The following REDIC1 variants were observed in gnomAD, a reference collection of about 807,000 sequenced individuals.
REDIC1 encodes regulator of DNA class I crossover intermediates 1, also known as HEI10 Interacting Protein 1.
At chr12:39,647,897 C>T in the REDIC1 span, 2 of 1,607,064 alleles carry the variant, frequency 1.2e-6, no homozygotes, top group Admixed American at 3.4e-5. Context: ...TTCTAACAGA[C>T]ATATTTCAAA....
At chr12:39,896,441 T>C in the REDIC1 span, among the ~76,000 whole-genome samples, 3 of 143,892 alleles carry the variant, frequency 2.1e-5, no homozygotes, top group South Asian at 2.1e-4. Flanking sequence ...TGTATACATA[T>C]ATGTATATGT....
chr12:39,712,285 C>T, the REDIC1 span, among the ~76,000 whole-genome samples: 1 of 119,490 alleles, frequency 8.4e-6, no homozygotes, highest in African/African-American at 3.0e-5. Flanking sequence ...TGTATATATA[C>T]CTGTATGTAT....
the REDIC1 span, chr12:39,758,404 G>T: frequency 6.6e-6 from 1 of 151,780 alleles, no homozygotes; most frequent in Admixed American, 6.6e-5. Context: ...TTTTGAATAT[G>T]GAGATAGCCA....
At chr12:39,774,186 C>T in the REDIC1 span, among the ~76,000 whole-genome samples, 2 of 152,168 alleles carry the variant, frequency 1.3e-5, no homozygotes, top group Non-Finnish European at 2.9e-5. Context: ...CACAGAGTAT[C>T]TCTCCAGGAT....
chr12:39,805,264 T>G, the REDIC1 span, among the ~76,000 whole-genome samples: 1 of 152,128 alleles, frequency 6.6e-6, no homozygotes, highest in Non-Finnish European at 1.5e-5. Flanking sequence ...AGTGGTGTGA[T>G]CTGGCCTCAT....
chr12:39,692,246 G>A, the REDIC1 span: 19 of 806,780 alleles, frequency 2.4e-5, no homozygotes, highest in Non-Finnish European at 3.2e-5. Flanking sequence ...TACTACTAAT[G>A]CAATTGACTC....
At chr12:39,908,192 A>C in the REDIC1 span, 10 of 152,088 alleles carry the variant, frequency 6.6e-5, no homozygotes, top group African/African-American at 1.9e-4. Context: ...CTGGATACAC[A>C]AAGAGCCATC....
At chr12:39,650,307 A>G in the REDIC1 span, 1 of 1,611,968 alleles carries the variant, frequency 6.2e-7, no homozygotes. This position sits in a 1 kb window ranked among gnomAD's most constrained non-coding sequence, Gnocchi z 4.3. Context: ...TTTTCAGTCC[A>G]TCACATAAAA....
the REDIC1 span, among the ~76,000 whole-genome samples, chr12:39,848,896 T>C: frequency 3.9e-5 from 6 of 152,190 alleles, no homozygotes; most frequent in Non-Finnish European, 8.8e-5. Flanking sequence ...CTGGAGGCTA[T>C]CATCCTTAGC....
the REDIC1 span, among the ~76,000 whole-genome samples, chr12:39,885,198 T>C: frequency 1.3e-5 from 2 of 152,144 alleles, no homozygotes; most frequent in African/African-American, 4.8e-5. Flanking sequence ...GAACAGGAGC[T>C]AGGAAGGCCA....
chr12:39,823,280 TATTA>T, the REDIC1 span, among the ~76,000 whole-genome samples: 4 of 152,252 alleles, frequency 2.6e-5, no homozygotes, highest in African/African-American at 4.8e-5. Flanking sequence ...GCTACATTGT[TATTA>T]ATTTAGGAAC....
chr12:39,677,732 A>G, the REDIC1 span, among the ~76,000 whole-genome samples: 1 of 152,208 alleles, frequency 6.6e-6, no homozygotes, highest in Non-Finnish European at 1.5e-5. Context: ...CACAAATTAT[A>G]TCAAGTACTC....
chr12:39,839,524 T>A, the REDIC1 span, among the ~76,000 whole-genome samples: 2 of 152,060 alleles, frequency 1.3e-5, no homozygotes, highest in Non-Finnish European at 2.9e-5. Flanking sequence ...CTCGGAGCAC[T>A]TTTCCAACAT....
At chr12:39,765,808 G>C in the REDIC1 span, among the ~76,000 whole-genome samples, 2 of 152,156 alleles carry the variant, frequency 1.3e-5, no homozygotes, top group South Asian at 4.1e-4. Context: ...GTAGTGGTTT[G>C]CTGTGCCTAT....
chr12:39,852,539 A>C, the REDIC1 span, among the ~76,000 whole-genome samples: 1 of 152,200 alleles, frequency 6.6e-6, no homozygotes, highest in Non-Finnish European at 1.5e-5. Context: ...TGCTAGTACC[A>C]ATCATTTTTT....
chr12:39,851,398 A>G, the REDIC1 span, among the ~76,000 whole-genome samples: 1 of 152,236 alleles, frequency 6.6e-6, no homozygotes, highest in African/African-American at 2.4e-5. Context: ...GAATTAAAAA[A>G]TGCATTCTGA....
the REDIC1 span, among the ~76,000 whole-genome samples, chr12:39,866,298 A>G: frequency 6.6e-6 from 1 of 152,170 alleles, no homozygotes; most frequent in East Asian, 1.9e-4. Context: ...CATTATGGGT[A>G]CAGAGGTGAC....
chr12:39,669,720 T>G, the REDIC1 span, among the ~76,000 whole-genome samples: 2 of 152,216 alleles, frequency 1.3e-5, no homozygotes, highest in Admixed American at 6.5e-5. Context: ...GCTTCCTGGC[T>G]GCTTTGTTTA....
chr12:39,754,733 A>G, the REDIC1 span, among the ~76,000 whole-genome samples: 1 of 152,098 alleles, frequency 6.6e-6, no homozygotes, highest in South Asian at 2.1e-4. Flanking sequence ...TCATGTCAAC[A>G]TCTGGTTCTG....
Sources: gnomAD v4.1 joint callset for allele counts (sites outside exome capture counted in the v4.1 genomes callset) on GRCh38, gnomAD v4.1.1 for gene constraint, Gnocchi (gnomAD v3.1) non-coding constraint, MANE v1.5 for transcripts, NCBI Gene and HGNC (gene_info 2026-07-23, HGNC 2026-07-21) for gene names.